The following PARM1 variants were observed in gnomAD, a reference collection of about 807,000 sequenced individuals.
The protein encoded by PARM1 is WSC4, cell wall integrity and stress response component 4 homolog.
Under a neutral mutation model 24.6 loss-of-function variants are expected in PARM1, and 14 were observed. The observed-to-expected ratio is 0.57, with a 90% CI of 0.38 to 0.89. The LOEUF (loss-of-function observed/expected upper bound fraction) is 0.89, where lower values mean the gene tolerates loss of function less well. PARM1 is among the 40% of genes least tolerant of loss of function. PARM1 has a pLI of 0.00. For missense variants in PARM1, 362 were observed against 380.4 expected, an observed-to-expected ratio of 0.95 and a Z score of 0.40; for synonymous variants, 179 against 156.6, an observed-to-expected ratio of 1.14 and a Z score of -1.07.
At chr4:74,951,603 C>T (rs530377041) in intron 1 of PARM1, among the ~76,000 whole-genome samples, 4 of 152,168 alleles carry the variant, frequency 2.6e-5, no homozygotes, top group African/African-American at 4.8e-5. Context: ...CCCAACCCCG[C>T]GACAGGCCCC....
intron 1 of PARM1, among the ~76,000 whole-genome samples, chr4:75,007,561 C>T (rs916746556): frequency 6.6e-6 from 1 of 152,156 alleles, no homozygotes; most frequent in Non-Finnish European, 1.5e-5. Context: ...GGGTTAAACT[C>T]ACTCATTATT....
chr4:74,993,471 C>T (rs150628666), intron 1 of PARM1, among the ~76,000 whole-genome samples: 2 of 152,244 alleles, frequency 1.3e-5, no homozygotes, highest in East Asian at 3.9e-4. Flanking sequence ...TCCTGACCCA[C>T]AAAATCTGTG....
intron 1 of PARM1, among the ~76,000 whole-genome samples, chr4:74,963,621 A>G (rs1349128834): frequency 6.6e-6 from 1 of 152,190 alleles, no homozygotes; most frequent in African/African-American, 2.4e-5. Context: ...AGAAACAGAA[A>G]GTAGATTAGT....
intron 1 of PARM1, among the ~76,000 whole-genome samples, chr4:75,005,485 C>G (rs1722753880): frequency 6.6e-6 from 1 of 152,192 alleles, no homozygotes; most frequent in African/African-American, 2.4e-5. Flanking sequence ...TGCCCATATT[C>G]CTGACACCCA....
chr4:74,933,292 G>T lies in PARM1; in HGVS notation c.-36G>T. The T allele has an allele frequency of 1.2e-6, 2 of 1,600,914 alleles. No individual in the cohort carries two copies. Among genetic ancestry groups the T allele is most frequent in the Non-Finnish European group, 1.7e-6 (2 of 1,171,642 alleles). ...TCTGTCAGTCCGCAAACTCCTTGCC[G>T]CCCGCCCCGGGCTGGGCACCAAATA... On this transcript the variant is annotated 5_prime_UTR_variant, in exon 1 of 4. Coordinates refer to ENST00000307428, the MANE Select transcript of PARM1 (RefSeq NM_015393.4).
chr4:75,023,084 T>C (rs929513692), intron 2 of PARM1, among the ~76,000 whole-genome samples: 2 of 152,228 alleles, frequency 1.3e-5, no homozygotes, highest in African/African-American at 4.8e-5. Context: ...TATGTTAAAA[T>C]TATAAAATCT....
chr4:74,978,637 C>A (rs952915965), intron 1 of PARM1, among the ~76,000 whole-genome samples: 2 of 152,166 alleles, frequency 1.3e-5, no homozygotes, highest in South Asian at 2.1e-4. Context: ...AAACTTTCCA[C>A]CCCAAAAATA....
chr4:74,973,463 G>A (rs966507706), intron 1 of PARM1, among the ~76,000 whole-genome samples: 7 of 13,474 alleles, frequency 5.2e-4, no homozygotes, highest in South Asian at 3.3e-3. Context: ...CCAACCCCCC[G>A]CCCCCCTCAC....
intron 1 of PARM1, among the ~76,000 whole-genome samples, chr4:74,935,049 A>G (rs1269825714): frequency 2.4e-5 from 3 of 123,424 alleles, no homozygotes; most frequent in African/African-American, 9.6e-5. Context: ...TAGCTCCGCT[A>G]TTCCGGGAGG....
At chr4:74,975,637 C>T (rs1023394266) in intron 1 of PARM1, among the ~76,000 whole-genome samples, 4 of 152,112 alleles carry the variant, frequency 2.6e-5, no homozygotes, top group Admixed American at 6.5e-5. Flanking sequence ...ATTATATTCA[C>T]GGGGCTAGGA....
At chr4:74,960,665 A>G (rs1721750639) in intron 1 of PARM1, among the ~76,000 whole-genome samples, 1 of 152,170 alleles carries the variant, frequency 6.6e-6, no homozygotes, top group Non-Finnish European at 1.5e-5. Context: ...CAAAGGGAAA[A>G]ATAACCCAAT....
intron 1 of PARM1, among the ~76,000 whole-genome samples, chr4:74,939,619 G>A (rs1401675026): frequency 6.6e-6 from 1 of 151,942 alleles, no homozygotes; most frequent in Admixed American, 6.5e-5. Context: ...AATTATATAA[G>A]GTTTGCATAA....
intron 2 of PARM1, among the ~76,000 whole-genome samples, chr4:75,029,072 GA>G (rs937387732): frequency 4.6e-5 from 7 of 152,180 alleles, no homozygotes; most frequent in Non-Finnish European, 1.0e-4. Context: ...GTGTGATCAA[GA>G]AAAGGGGCCC....
At chr4:75,035,733 G>A (rs933298846) in intron 3 of PARM1, among the ~76,000 whole-genome samples, 2 of 151,978 alleles carry the variant, frequency 1.3e-5, no homozygotes, top group Non-Finnish European at 2.9e-5. Context: ...TATCACCTGC[G>A]TCTACGATAC....
At chr4:74,973,613 G>A (rs1301093290) in intron 1 of PARM1, among the ~76,000 whole-genome samples, 1 of 152,232 alleles carries the variant, frequency 6.6e-6, no homozygotes, top group South Asian at 2.1e-4. Flanking sequence ...CCTGTCCTGA[G>A]GTATCCTTCC....
chr4:75,027,046 T>C (rs1723194388), intron 2 of PARM1, among the ~76,000 whole-genome samples: 1 of 152,120 alleles, frequency 6.6e-6, no homozygotes, highest in Non-Finnish European at 1.5e-5. Context: ...GCCCCATCCA[T>C]CAGAGAACAG....
intron 1 of PARM1, among the ~76,000 whole-genome samples, chr4:74,985,389 C>A (rs1455796583): frequency 6.6e-6 from 1 of 152,176 alleles, no homozygotes; most frequent in Non-Finnish European, 1.5e-5. Context: ...GCATACTCAG[C>A]AAGGATGGGT....
At chr4:74,989,502 C>T (rs1002139317) in intron 1 of PARM1, among the ~76,000 whole-genome samples, 6 of 152,124 alleles carry the variant, frequency 3.9e-5, no homozygotes, top group African/African-American at 1.4e-4. Flanking sequence ...GTGGAGTTTC[C>T]ATGCCCTCTC....
chr4:75,019,775 G>A (rs1465126765), intron 2 of PARM1, among the ~76,000 whole-genome samples: 1 of 151,210 alleles, frequency 6.6e-6, no homozygotes, highest in African/African-American at 2.4e-5. Flanking sequence ...AGGCCGAGGC[G>A]GGTGGATCAT....
Sources: gnomAD v4.1 joint callset for allele counts (sites outside exome capture counted in the v4.1 genomes callset) on GRCh38, gnomAD v4.1.1 for gene constraint, MANE v1.5 for transcripts, NCBI Gene and HGNC (gene_info 2026-07-23, HGNC 2026-07-21) for gene names.